The following POLQ variants were observed in gnomAD, a reference collection of about 807,000 sequenced individuals.
The protein encoded by POLQ is epididymis secretory sperm binding protein.
POLQ carries 233 observed loss-of-function variants against 259.2 expected under a neutral mutation model. That is an observed-to-expected ratio of 0.90 (90% CI 0.81 to 1.00). The LOEUF (loss-of-function observed/expected upper bound fraction) is 1.00, where lower values mean the gene tolerates loss of function less well. POLQ is among the 50% of genes least tolerant of loss of function. POLQ has a pLI of 0.00. For synonymous variants in POLQ, 1,025 were observed against 1,048.8 expected (o/e 0.98, Z 0.44); for missense variants, 2,871 against 3,051.6 (o/e 0.94, Z 1.39).
At chr3:121,536,614 A>G (rs1311650423) in intron 5 of POLQ, among the ~76,000 whole-genome samples, 1 of 152,222 alleles carries the variant, frequency 6.6e-6, no homozygotes, top group Non-Finnish European at 1.5e-5. Flanking sequence ...ATGTTTACAC[A>G]GTAATCTAAA....
At chr3:121,439,807 GCAAATAC>G (rs2047574746) in intron 27 of POLQ, among the ~76,000 whole-genome samples, 178 bp downstream of exon 27, 4 of 152,206 alleles carry the variant, frequency 2.6e-5, no homozygotes, top group African/African-American at 7.2e-5. Flanking sequence ...ACTCTGTTCA[GCAAATAC>G]TGGCATGTGC....
At chr3:121,485,230 G>T (rs745632522) in intron 16 of POLQ, 46 bp from the exon 17 acceptor site, 6 of 1,299,482 alleles carry the variant, frequency 4.6e-6, no homozygotes, top group Non-Finnish European at 6.4e-6. Context: ...TAAAAATAAA[G>T]ACATTACATA....
intron 12 of POLQ, among the ~76,000 whole-genome samples, chr3:121,503,631 G>T (rs2048189012): frequency 6.6e-6 from 1 of 152,168 alleles, no homozygotes; most frequent in Non-Finnish European, 1.5e-5. Context: ...CTTGTTATCT[G>T]TGGGGGACTG....
chr3:121,545,422 T>C (rs1243027822), intron 1 of POLQ, among the ~76,000 whole-genome samples: 1 of 152,156 alleles, frequency 6.6e-6, no homozygotes, highest in East Asian at 1.9e-4. Context: ...TACTGGGTAC[T>C]ACCAGGAACG....
chr3:121,468,605 G>A (rs1215668342), intron 22 of POLQ, among the ~76,000 whole-genome samples, 174 bp from the exon 23 acceptor site: 1 of 152,088 alleles, frequency 6.6e-6, no homozygotes, highest in Non-Finnish European at 1.5e-5. Context: ...GATAAAATAA[G>A]TACAAGACCA....
At chr3:121,433,742 A>C (rs1413790102) in intron 28 of POLQ, among the ~76,000 whole-genome samples, 2 of 152,208 alleles carry the variant, frequency 1.3e-5, no homozygotes, top group Admixed American at 1.3e-4. Flanking sequence ...CAAAAAGATA[A>C]AGCTCAACAT....
In POLQ at chr3:121,468,354, C is replaced by T. The variant is rs768809386; in HGVS notation, c.6796G>A (p.Glu2266Lys). ...CCTACAGCTTGAGAAGGTGGGCTTT[C>T]TCCTACTAGTGTTGGCATTTTGATT... ...FEIKMPTLVG[E>K]SPPSQAVGKG... Residue 2266 changes from glutamate to lysine, a missense_variant, in exon 23 of 30, where the codon GAA becomes AAA. Physicochemically the swap from Glu to Lys is moderately conservative, Grantham distance 56 (BLOSUM62 1). This residue lies in a region of POLQ where 2,080 missense variants were observed against 2,126.0 expected (regional missense o/e 0.98). Transcript: ENST00000264233. 6.2e-7 allele frequency: 1 copy of T among 1,612,708 alleles called. No homozygotes were observed. The highest frequency in any genetic ancestry group is 2.2e-5 in the East Asian group (1 of 44,838).
At chr3:121,459,369 A>ATTTTTTTTTTTTTTTTTTT (rs58859161) in intron 25 of POLQ, among the ~76,000 whole-genome samples, 10 of 104,740 alleles carry the variant, frequency 9.5e-5, no homozygotes, top group Non-Finnish European at 9.0e-5. Context: ...GACTAGAAAG[A>ATTTTTTTTTTTTTTTTTTT]TTTTTTTTTT....
At chr3:121,461,752 A>C (rs1467866280) in intron 24 of POLQ, among the ~76,000 whole-genome samples, 1 of 152,182 alleles carries the variant, frequency 6.6e-6, no homozygotes, top group Admixed American at 6.5e-5. Context: ...GGAAAAGATT[A>C]TATACCCATA....
Position 121,467,521 on chromosome 3 carries a change from G to A in POLQ, c.6965C>T (p.Pro2322Leu), listed in dbSNP as rs1652711083. ...ISMRHAFVPF[P>L]GGSILAADYS... ...TTCAAAGCTATCAGCCACCTTACCT[G>A]GGAAAGGCACAAAGGCATGTCGCAT... Residue 2322 changes from proline (P) to leucine (L), a missense_variant and splice_region_variant, in exon 24 of 30, where the codon CCA becomes CTA. Transcript: ENST00000264233. 6.2e-7 allele frequency: 1 copy of A among 1,613,054 alleles called. No individual in the cohort carries two copies. Among genetic ancestry groups the A allele is most frequent in the Non-Finnish European group, 8.5e-7 (1 of 1,179,478 alleles).
rs186562313 is a variant in POLQ, at chr3:121,507,969, T to C, written c.1959+1592A>G. Among the ~76,000 whole-genome samples the C allele has an allele frequency of 3.5e-3, 536 of 151,466 alleles. 2 individuals carry two copies. Among genetic ancestry groups the C allele is most frequent in the Admixed American group, 8.9e-3 (135 of 15,168 alleles). On this transcript the variant is annotated intron_variant, in intron 12 of 29. Coordinates refer to ENST00000264233, the MANE Select transcript of POLQ (RefSeq NM_199420.4). ...CCTGGGCTCAAGTGATTCTTCTGTCTCAGCCTTCCAAGTAGCTGGGATTAC... is the reference window on the plus strand; with the variant it reads ...CCTGGGCTCAAGTGATTCTTCTGTCCCAGCCTTCCAAGTAGCTGGGATTAC...
At chr3:121,474,448 G>A (rs1275495514) in intron 20 of POLQ, among the ~76,000 whole-genome samples, 1 of 152,156 alleles carries the variant, frequency 6.6e-6, no homozygotes, top group Non-Finnish European at 1.5e-5. Context: ...TGAAACTAGG[G>A]CAATTCAGAA....
intron 16 of POLQ, among the ~76,000 whole-genome samples, chr3:121,486,998 T>C (rs1348135230): frequency 6.6e-6 from 1 of 152,064 alleles, no homozygotes; most frequent in Non-Finnish European, 1.5e-5. Flanking sequence ...AACCATTATG[T>C]TACAACATTA....
intron 4 of POLQ, among the ~76,000 whole-genome samples, chr3:121,538,924 T>G (rs1013386491): frequency 6.6e-6 from 1 of 152,130 alleles, no homozygotes; most frequent in African/African-American, 2.4e-5. Context: ...CATAATGGCC[T>G]TTCCATAATG....
chr3:121,508,008 CAT>C (rs2048222858), intron 12 of POLQ, among the ~76,000 whole-genome samples: 1 of 137,570 alleles, frequency 7.3e-6, no homozygotes, highest in African/African-American at 2.7e-5. Flanking sequence ...CATGCACCAC[CAT>C]ACACAATTTT....
At chr3:121,467,749 CCTTA>C (rs1328143054) in intron 23 of POLQ, 109 bp from the exon 24 acceptor site, 15 of 1,151,430 alleles carry the variant, frequency 1.3e-5, no homozygotes, top group Non-Finnish European at 1.6e-5. Context: ...TTAATAAAAA[CCTTA>C]CTGAGGGCTG....
At chr3:121,476,025 G>A (rs796838373) in intron 20 of POLQ, among the ~76,000 whole-genome samples, 8 of 152,042 alleles carry the variant, frequency 5.3e-5, no homozygotes, top group African/African-American at 1.4e-4. Flanking sequence ...ATATGTTAAC[G>A]AAGGAACAGA....
chr3:121,483,678 G>A, intron 17 of POLQ, 96 bp from the exon 18 acceptor site: 1 of 881,676 alleles, frequency 1.1e-6, no homozygotes. Flanking sequence ...GACTGAAAAA[G>A]ACTCAGAAGG....
chr3:121,481,841 C>T, intron 18 of POLQ, 29 bp from the exon 19 acceptor site: 1 of 1,557,680 alleles, frequency 6.4e-7, no homozygotes, highest in African/African-American at 1.4e-5. Context: ...AGAATATTTT[C>T]CTGATTTTTT....
Sources: allele counts gnomAD v4.1 joint callset (sites outside exome capture counted in the v4.1 genomes callset), GRCh38; gene constraint gnomAD v4.1.1; regional missense constraint gnomAD v4.1.1; transcripts MANE v1.5; gene names NCBI Gene and HGNC (gene_info 2026-07-23, HGNC 2026-07-21).